PDZD2: variants seen among roughly 807,000 people sequenced by gnomAD.
The protein encoded by PDZD2 is PDZ domain containing 2.
A neutral mutation model predicts 220.7 loss-of-function variants in PDZD2; 90 were observed. The observed-to-expected ratio is 0.41, with a 90% confidence interval of 0.34 to 0.49. The LOEUF is 0.49. PDZD2 is among the 20% of genes least tolerant of loss of function. PDZD2 has a pLI of 0.28. For missense variants in PDZD2, 3,174 were observed against 3,608.5 expected (o/e 0.88, Z 3.08); for synonymous variants, 1,375 against 1,450.5 (o/e 0.95, Z 1.18).
chr5:31,912,723 A>T (rs968768428), intron 2 of PDZD2, among the ~76,000 whole-genome samples: 2 of 152,216 alleles, frequency 1.3e-5, no homozygotes, highest in African/African-American at 4.8e-5. Context: ...AACCCACTCC[A>T]TGGAGGTGTC....
chr5:31,849,923 TATATATATACAC>T (rs1757855889), intron 2 of PDZD2, among the ~76,000 whole-genome samples: 1 of 22,450 alleles, frequency 4.5e-5, no homozygotes, highest in African/African-American at 2.6e-4. Flanking sequence ...TATATACATA[TATATATATACAC>T]ATATATATAT....
intron 2 of PDZD2, among the ~76,000 whole-genome samples, chr5:31,903,320 TAAAA>T (rs1056816531): frequency 2.0e-5 from 3 of 151,250 alleles, no homozygotes; most frequent in African/African-American, 7.3e-5. Context: ...AAAATTAAAA[TAAAA>T]AAATATTATT....
At chr5:31,945,968 T>A (rs1746593831) in intron 2 of PDZD2, among the ~76,000 whole-genome samples, 1 of 152,208 alleles carries the variant, frequency 6.6e-6, no homozygotes, top group Admixed American at 6.5e-5. Context: ...ACTGGAAGAA[T>A]TCTCCCTGGC....
chr5:31,995,681 G>A lies in PDZD2; in HGVS notation c.1084G>A (p.Val362Ile), dbSNP rs778496147. 41 of 1,613,930 alleles carry A rather than the reference G, an allele frequency of 2.5e-5. No homozygotes were observed. Among genetic ancestry groups the A allele is most frequent in the Middle Eastern group, 1.7e-4 (1 of 6,018 alleles). ...ATCAAAGCGCTCACCTCACGCTATC[G>A]TTGTCACTCAAGTGAAGGAAGGAGG... ...RGSKRSPHAI[V>I]VTQVKEGGAA... Residue 362 changes from valine to isoleucine, a missense_variant, in exon 4 of 25, where the codon GTT becomes ATT. Val to Ile is a conservative substitution (Grantham distance 29). Coordinates refer to ENST00000438447, the MANE Select transcript of PDZD2 (RefSeq NM_178140.4).
At position 32,109,657 on chromosome 5, in the gene PDZD2, CAT is replaced by C; in HGVS notation, c.*1523_*1524del. On this transcript the variant is annotated 3_prime_UTR_variant, in exon 25 of 25. Transcript: ENST00000438447. ...AAACCAACCCGTTGAGCCCTGACAA[CAT>C]GAGTGGAGAGTGCATTTGCCATACC... The C allele has an allele frequency of 6.6e-6, 1 of 152,234 alleles. No homozygotes were observed. Among genetic ancestry groups the C allele is most frequent in the East Asian group, 1.9e-4 (1 of 5,208 alleles). 9.4% of individuals were successfully genotyped at this position (152,234 alleles called of 1,614,324 possible).
chr5:31,998,083 C>T (rs1438166151), intron 4 of PDZD2, among the ~76,000 whole-genome samples: 1 of 152,090 alleles, frequency 6.6e-6, no homozygotes, highest in African/African-American at 2.4e-5. Context: ...CCTCGTGATC[C>T]ATCCATCTCA....
chr5:31,791,231 G>A (rs1245293890), intron 1 of PDZD2, among the ~76,000 whole-genome samples: 1 of 152,156 alleles, frequency 6.6e-6, no homozygotes, highest in Non-Finnish European at 1.5e-5. Context: ...TCTAAGCAAA[G>A]TGATAGTTCT....
At chr5:31,863,238 C>A (rs1477071849) in intron 2 of PDZD2, among the ~76,000 whole-genome samples, 2 of 152,226 alleles carry the variant, frequency 1.3e-5, no homozygotes, top group African/African-American at 2.4e-5. Context: ...TGACCCCTAA[C>A]CTTCTCAGAG....
In PDZD2 at chr5:32,058,592, C is replaced by T. The variant is rs561500913; in HGVS notation, c.2200+489C>T. Among the ~76,000 whole-genome samples, 12 of 148,636 alleles carry T rather than the reference C, an allele frequency of 8.1e-5. No individual in the cohort carries two copies. The South Asian group carries it at 1.1e-3, about 13-fold the overall frequency. Reference sequence around the variant, plus strand: ...GGGAGGCTGAGGCAAGACAATCGCTCGAACCCGGGAGGCAGAGGTTGCAGT... The same window carrying T: ...GGGAGGCTGAGGCAAGACAATCGCTTGAACCCGGGAGGCAGAGGTTGCAGT... On this transcript the variant is annotated intron_variant, in intron 12 of 24. Coordinates refer to ENST00000438447, the MANE Select transcript of PDZD2 (RefSeq NM_178140.4).
intron 2 of PDZD2, among the ~76,000 whole-genome samples, chr5:31,954,153 C>T (rs928122402): frequency 2.6e-5 from 4 of 151,940 alleles, no homozygotes; most frequent in African/African-American, 9.7e-5. Flanking sequence ...AATGGTTTTG[C>T]GAGTGGTGTG....
At chr5:32,062,553 C>G (rs1202909255) in intron 14 of PDZD2, among the ~76,000 whole-genome samples, 1 of 152,046 alleles carries the variant, frequency 6.6e-6, no homozygotes, top group African/African-American at 2.4e-5. Flanking sequence ...GCCAATACAC[C>G]TGGCTAATTT....
intron 2 of PDZD2, among the ~76,000 whole-genome samples, chr5:31,953,172 C>G (rs1233069047): frequency 6.6e-6 from 1 of 151,648 alleles, no homozygotes; most frequent in Non-Finnish European, 1.5e-5. Flanking sequence ...GGAACTGACA[C>G]ACAGATCAGT....
intron 2 of PDZD2, among the ~76,000 whole-genome samples, chr5:31,845,481 A>G (rs1157848692): frequency 6.6e-6 from 1 of 152,202 alleles, no homozygotes; most frequent in East Asian, 1.9e-4. Flanking sequence ...CTGGAGAATG[A>G]GTGATGTGAG....
At chr5:31,983,717 T>TGCAGC in intron 3 of PDZD2, 61 bp downstream of exon 3, 1 of 1,514,704 alleles carries the variant, frequency 6.6e-7, no homozygotes, top group African/African-American at 1.4e-5. Flanking sequence ...TGTTTGTTTT[T>TGCAGC]GCAGCCCAGC....
At chr5:32,031,690 G>GC (rs1037491465) in intron 6 of PDZD2, among the ~76,000 whole-genome samples, 10 of 151,902 alleles carry the variant, frequency 6.6e-5, no homozygotes, top group South Asian at 2.1e-4. Flanking sequence ...CTGAGACCTG[G>GC]GGGGAGAAAG....
In PDZD2 at chr5:31,948,404, G is replaced by A. The variant is rs150094104; in HGVS notation, c.477-34751G>A. Among the ~76,000 whole-genome samples the A allele has an allele frequency of 3.0e-3, 456 of 152,256 alleles. 3 individuals are homozygous for A. The highest frequency in any genetic ancestry group is 0.01 in the African/African-American group (436 of 41,556). ...GACCTTGTTTTCCAGACTAGATTAA[G>A]AACCAGACAGATTTTAATATCTGTA... On this transcript the variant is annotated intron_variant, in intron 2 of 24. Transcript: ENST00000438447.
chr5:32,090,483 G>A lies in PDZD2; in HGVS notation c.7035G>A (p.Leu2345=), dbSNP rs775207072. The change falls in exon 20 of 25, where the codon CTG becomes CTA. Residue 2345 remains leucine (L), a synonymous_variant. Coordinates refer to ENST00000438447, the MANE Select transcript of PDZD2 (RefSeq NM_178140.4). This position sits in a 1 kb window ranked among gnomAD's most constrained non-coding sequence, Gnocchi z 4.3. The stretch of plus-strand genomic sequence containing the variant: ...AGCGGATCAAGTCTTTTGAGAACCT[G>A]GCCAATGCTGACCGGCCTGTAGCCA... ...VKQRIKSFEN[L]ANADRPVAKS... The A allele has an allele frequency of 6.8e-6, 11 of 1,613,938 alleles. No individual in the cohort carries two copies. Among genetic ancestry groups the A allele is most frequent in the Non-Finnish European group, 9.3e-6 (11 of 1,180,034 alleles).
At chr5:31,727,131 A>T (rs1044536292) in intron 1 of PDZD2, among the ~76,000 whole-genome samples, 1 of 152,166 alleles carries the variant, frequency 6.6e-6, no homozygotes, top group Non-Finnish European at 1.5e-5. Context: ...CACCGTCCAA[A>T]CACCTCCCAC....
intron 10 of PDZD2, among the ~76,000 whole-genome samples, 190 bp from the exon 11 acceptor site, chr5:32,057,465 C>G (rs143357363): frequency 2.8e-4 from 43 of 152,296 alleles, no homozygotes; most frequent in African/African-American, 1.0e-3. Flanking sequence ...AGAATTACTG[C>G]AAAAGAATAT....
Sources: allele counts gnomAD v4.1 joint callset (sites outside exome capture counted in the v4.1 genomes callset), GRCh38; gene constraint gnomAD v4.1.1; non-coding constraint Gnocchi (gnomAD v3.1); transcripts MANE v1.5; gene names NCBI Gene and HGNC (gene_info 2026-07-23, HGNC 2026-07-21).